Variants in FUT9 observed in about 807,000 individuals in gnomAD.
FUT9 encodes the protein fucosyltransferase 9.
Under a neutral mutation model 29.7 loss-of-function variants are expected in FUT9, and 15 were observed. That is an observed-to-expected ratio of 0.51 (90% CI 0.34 to 0.78). FUT9 has a LOEUF of 0.78. Ranked by LOEUF, FUT9 falls within the 30% of genes least tolerant of loss-of-function variation. The probability of loss-of-function intolerance (pLI) is 0.01; values close to 1 mark genes in which losing one functional copy is unlikely to be tolerated. For synonymous variants in FUT9, 169 were observed against 153.7 expected, an observed-to-expected ratio of 1.10 and a Z score of -0.74; for missense variants, 319 against 425.4, an observed-to-expected ratio of 0.75 and a Z score of 2.20.
At chr6:96,196,750 C>T (rs1291820062) in intron 2 of FUT9, among the ~76,000 whole-genome samples, 1 of 151,952 alleles carries the variant, frequency 6.6e-6, no homozygotes, top group Non-Finnish European at 1.5e-5. Context: ...GGGGAGAAAT[C>T]CAGCAAGACC....
intron 1 of FUT9, among the ~76,000 whole-genome samples, chr6:96,017,816 G>A (rs919653228): frequency 1.3e-5 from 2 of 152,156 alleles, no homozygotes; most frequent in African/African-American, 4.8e-5. Flanking sequence ...GCAGTTGGTG[G>A]AGAGAGATGT....
intron 2 of FUT9, among the ~76,000 whole-genome samples, chr6:96,179,901 A>T (rs1773274474): frequency 6.6e-6 from 1 of 152,136 alleles, no homozygotes; most frequent in South Asian, 2.1e-4. Context: ...ACTCTAAAAG[A>T]TGAGACAAAA....
rs1296734237 is a variant in FUT9 at position 96,212,579 on chromosome 6, G to T, written c.*8344G>T. ...CTTAATCGGGGTTAAGGGAGTAATT[G>T]TGACAATATAAAATGGCATTGTTAT... On this transcript the variant is annotated 3_prime_UTR_variant, in exon 3 of 3. Coordinates refer to ENST00000302103, the MANE Select transcript of FUT9 (RefSeq NM_006581.4). 2.6e-6 allele frequency: 1 copy of T among 382,088 alleles called. No individual in the cohort carries two copies. Among genetic ancestry groups the T allele is most frequent in the African/African-American group, 2.1e-5 (1 of 47,976 alleles). 23.7% of individuals were successfully genotyped at this position (382,088 alleles called of 1,614,324 possible).
intron 2 of FUT9, among the ~76,000 whole-genome samples, chr6:96,132,490 A>G (rs183560680): frequency 1.1e-4 from 16 of 152,238 alleles, no homozygotes; most frequent in Admixed American, 9.2e-4. Context: ...AGGAAGGTTA[A>G]TTAGACTGTA....
chr6:96,197,369 C>A (rs73757749), intron 2 of FUT9, among the ~76,000 whole-genome samples: 3,840 of 152,178 alleles, frequency 0.025, 164 homozygotes, highest in African/African-American at 0.087. Flanking sequence ...GGGATTATAT[C>A]TAAGGATCTT....
chr6:96,120,356 C>T (rs1165243088), intron 2 of FUT9, among the ~76,000 whole-genome samples: 3 of 147,896 alleles, frequency 2.0e-5, no homozygotes, highest in Non-Finnish European at 4.5e-5. Context: ...ATGCAAACTC[C>T]GCCTCCTGGG....
intron 1 of FUT9, among the ~76,000 whole-genome samples, chr6:96,078,405 C>CTGATTTTTTTTTTTTTT (rs1201729276): frequency 2.0e-4 from 9 of 45,212 alleles, no homozygotes; most frequent in Non-Finnish European, 3.9e-4. Context: ...TCATATTAGT[C>CTGATTTTTTTTTTTTTT]TTCTTTTTTT....
chr6:96,099,889 T>C (rs976567532), intron 1 of FUT9, among the ~76,000 whole-genome samples: 18 of 152,172 alleles, frequency 1.2e-4, no homozygotes, highest in African/African-American at 4.3e-4. Context: ...GTGCAATCTT[T>C]ATTAATTGAA....
chr6:96,016,721 G>C (rs1769986792), intron 1 of FUT9, among the ~76,000 whole-genome samples: 1 of 152,048 alleles, frequency 6.6e-6, no homozygotes, highest in Non-Finnish European at 1.5e-5. Context: ...ATGGTCCTTA[G>C]TGAATTCTGA....
chr6:96,188,669 ACATGCACATATATTTTTC>A (rs1170246287), intron 2 of FUT9, among the ~76,000 whole-genome samples: 8 of 149,932 alleles, frequency 5.3e-5, no homozygotes, highest in African/African-American at 1.9e-4. Flanking sequence ...GTGTTTAAAC[ACATGCACATATATTTTTC>A]ATTTAACAAA....
Position 96,214,985 on chromosome 6 carries a change from A to G in FUT9, c.*10750A>G, listed in dbSNP as rs1303997228. On this transcript the variant is annotated 3_prime_UTR_variant, in exon 3 of 3. Coordinates refer to ENST00000302103, the MANE Select transcript of FUT9 (RefSeq NM_006581.4). Reference sequence around the variant, plus strand: ...ATCCTGGGAGCAAAGCATTAATTCAAATGAGGAGTAGTCAGTCCTAGCACT... The same window carrying G: ...ATCCTGGGAGCAAAGCATTAATTCAGATGAGGAGTAGTCAGTCCTAGCACT... The G allele has an allele frequency of 1.2e-5, 2 of 166,976 alleles. No homozygotes were observed. Among genetic ancestry groups the G allele is most frequent in the East Asian group, 1.9e-4 (1 of 5,200 alleles). 10.3% of individuals were successfully genotyped at this position (166,976 alleles called of 1,614,324 possible).
At chr6:96,202,278 G>A (rs1259093210) in intron 2 of FUT9, among the ~76,000 whole-genome samples, 1 of 151,852 alleles carries the variant, frequency 6.6e-6, no homozygotes, top group Non-Finnish European at 1.5e-5. Context: ...TGACATCAAA[G>A]TTGTTCTTCA....
In FUT9 at chr6:96,032,975, C is replaced by T. The variant is rs903810220; in HGVS notation, c.-98+16763C>T. On this transcript the variant is annotated intron_variant, in intron 1 of 2. Transcript: ENST00000302103. Reference sequence around the variant, plus strand: ...TTGCATCCTGTTCAACTCGGCATGACGGTTTTTGACGGTTTTTTGATTCCC... The same window carrying T: ...TTGCATCCTGTTCAACTCGGCATGATGGTTTTTGACGGTTTTTTGATTCCC... Among the ~76,000 whole-genome samples, 42 of 151,576 alleles carry T rather than the reference C, an allele frequency of 2.8e-4. 1 individual carries two copies. The highest frequency in any genetic ancestry group is 2.5e-3 in the Admixed American group (38 of 15,164).
rs1005814602 is a variant in FUT9, at chr6:96,205,176, A to G, written c.*941A>G. The G allele has an allele frequency of 3.0e-5, 5 of 167,024 alleles. No individual in the cohort carries two copies. The highest frequency in any genetic ancestry group is 1.2e-4 in the African/African-American group (5 of 41,450). 10.3% of individuals were successfully genotyped at this position (167,024 alleles called of 1,614,324 possible). On this transcript the variant is annotated 3_prime_UTR_variant, in exon 3 of 3. Coordinates refer to ENST00000302103, the MANE Select transcript of FUT9 (RefSeq NM_006581.4). ...ATTTAAAATGGTCTTATTTTACCAT[A>G]TGGATATAAGATTTGGCTCATAATG...
intron 1 of FUT9, among the ~76,000 whole-genome samples, chr6:96,107,113 T>C (rs1412222892): frequency 6.6e-6 from 1 of 152,186 alleles, no homozygotes; most frequent in African/African-American, 2.4e-5. Flanking sequence ...TTTGCTAACC[T>C]CTGGTCTAAA....
intron 2 of FUT9, among the ~76,000 whole-genome samples, chr6:96,159,589 T>A (rs1772859261): frequency 1.3e-5 from 2 of 152,150 alleles, no homozygotes; most frequent in African/African-American, 4.8e-5. Context: ...TAAATCTTTT[T>A]GACTTGTTTT....
intron 2 of FUT9, among the ~76,000 whole-genome samples, chr6:96,166,305 G>T (rs1160082949): frequency 1.3e-5 from 2 of 152,166 alleles, no homozygotes; most frequent in African/African-American, 4.8e-5. Context: ...GCATAGTAAT[G>T]TTGGCATAGT....
chr6:96,130,085 GA>G (rs776480178), intron 2 of FUT9, among the ~76,000 whole-genome samples: 16 of 152,216 alleles, frequency 1.1e-4, no homozygotes, highest in Non-Finnish European at 1.8e-4. Context: ...GGAGGTGGGA[GA>G]GGGGGTACGA....
chr6:96,098,722 A>G (rs1313325064), intron 1 of FUT9, among the ~76,000 whole-genome samples: 2 of 152,162 alleles, frequency 1.3e-5, no homozygotes, highest in African/African-American at 2.4e-5. Context: ...ATTAATCAAT[A>G]CTGTTTGGTA....
Sources: allele counts gnomAD v4.1 joint callset (sites outside exome capture counted in the v4.1 genomes callset), GRCh38; gene constraint gnomAD v4.1.1; transcripts MANE v1.5; gene names NCBI Gene and HGNC (gene_info 2026-07-23, HGNC 2026-07-21).